MACF1: variants seen among roughly 807,000 people sequenced by gnomAD.
MACF1 encodes the protein microtubule actin crosslinking factor 1, also known as microtubule-actin cross-linking factor 1.
MACF1 carries 193 observed loss-of-function variants against 854.8 expected under a neutral mutation model. That is an observed-to-expected ratio of 0.23 (90% CI 0.20 to 0.25). MACF1 has a LOEUF of 0.25. Ranked by LOEUF, MACF1 falls within the 10% of genes least tolerant of loss-of-function variation. The pLI, the probability that MACF1 is intolerant of heterozygous loss-of-function variation, is 1.00. For missense variants in MACF1, 7,722 were observed against 8,929.1 expected, an observed-to-expected ratio of 0.86 and a Z score of 5.45; for synonymous variants, 3,185 against 3,226.7, an observed-to-expected ratio of 0.99 and a Z score of 0.44.
intron 92 of MACF1, among the ~76,000 whole-genome samples, chr1:39,461,481 T>C (rs1430042526): frequency 6.6e-6 from 1 of 152,114 alleles, no homozygotes; most frequent in East Asian, 1.9e-4. Flanking sequence ...AAGACATAAA[T>C]TTTTTTGCTC....
In MACF1 at chr1:39,135,969, A is replaced by G. The variant is rs575815761; in HGVS notation, c.220+51531A>G. On this transcript the variant is annotated intron_variant, in intron 2 of 93. Coordinates refer to the MACF1 transcript ENST00000361689. ...GGGTGATGAGTACAGCGAACGGCCA[A>G]CTGTGTGCCAACCTGGCTTTCCAGG... Among the ~76,000 whole-genome samples, 246 of 152,356 alleles carry G rather than the reference A, an allele frequency of 1.6e-3. 2 individuals are homozygous for G. Among genetic ancestry groups the G allele is most frequent in the Middle Eastern group, 6.8e-3 (2 of 294 alleles).
At chr1:39,406,756 A>AAAAAAAAAACAAAAAAAC (rs746955922) in intron 58 of MACF1, among the ~76,000 whole-genome samples, 2 of 116,058 alleles carry the variant, frequency 1.7e-5, no homozygotes. Context: ...AAAAAAAAAA[A>AAAAAAAAAACAAAAAAAC]AACATTCTTT....
intron 97 of MACF1, among the ~76,000 whole-genome samples, chr1:39,478,773 A>T (rs1644959274): frequency 6.6e-6 from 1 of 152,230 alleles, no homozygotes; most frequent in Non-Finnish European, 1.5e-5. Flanking sequence ...CCAGTTAAAC[A>T]TCTGTTATAG....
At position 39,453,782 on chromosome 1, in the gene MACF1, G is replaced by A; in HGVS notation, c.20818G>A (p.Val6940Ile). ...AVAMGEVILA[V>I]CHPDCITTIK... ...AGCCATGGGAGAAGTCATCCTGGCT[G>A]TCTGCCACCCCGATTGCATCACAAC... is the stretch of plus-strand genomic sequence containing the variant. Residue 6940 changes from valine (V) to isoleucine (I), a missense_variant, in exon 88 of 101, where the codon GTC (valine) becomes ATC (isoleucine). Val to Ile is a conservative substitution (Grantham distance 29). Coordinates refer to ENST00000564288, the MANE Select transcript of MACF1 (RefSeq NM_001394062.1). 2 of 1,614,212 alleles carry A rather than the reference G, an allele frequency of 1.2e-6. No homozygotes were observed.
intron 2 of MACF1, among the ~76,000 whole-genome samples, chr1:39,090,529 A>G (rs1227561478): frequency 6.6e-6 from 1 of 152,222 alleles, no homozygotes; most frequent in African/African-American, 2.4e-5. Flanking sequence ...GTGGGACCCC[A>G]GTTGGTGAGG....
At chr1:39,276,115 TCA>T (rs933938284) in intron 6 of MACF1, among the ~76,000 whole-genome samples, 22 of 152,114 alleles carry the variant, frequency 1.4e-4, no homozygotes, top group Admixed American at 5.2e-4. Context: ...AGACAATTTC[TCA>T]CAGTGTTTCC....
At chr1:39,288,077 G>T (rs766778276) in intron 15 of MACF1, among the ~76,000 whole-genome samples, 1 of 152,012 alleles carries the variant, frequency 6.6e-6, no homozygotes, top group Non-Finnish European at 1.5e-5. Flanking sequence ...TACGATACAT[G>T]AGATATTTTG....
At chr1:39,327,961 G>A (rs1279327009) in intron 36 of MACF1, among the ~76,000 whole-genome samples, 1 of 152,124 alleles carries the variant, frequency 6.6e-6, no homozygotes, top group African/African-American at 2.4e-5. Flanking sequence ...GTGCGTGTGT[G>A]TACACTTACC....
At chr1:39,109,358 C>T (rs12132368) in intron 2 of MACF1, among the ~76,000 whole-genome samples, 12,910 of 152,246 alleles carry the variant, frequency 0.085, 586 homozygotes, top group African/African-American at 0.089. Context: ...CAACCTCTGC[C>T]TCCCAGGTTC....
In MACF1 at chr1:39,285,683, T is replaced by A. The variant is rs1465200862; in HGVS notation, c.1433T>A (p.Leu478His). Residue 478 changes from leucine (L) to histidine (H), a missense_variant, in exon 14 of 101, where the codon CTC (leucine) becomes CAC (histidine). Transcript: ENST00000564288. ...VIMYIQECEG[L>H]IRQLQVDLQI... ...ATGTACATTCAGGAGTGTGAAGGTC[T>A]CATCAGGCAGCTGCAGGTGGATCTC... 1 of 1,613,960 alleles carries A rather than the reference T, an allele frequency of 6.2e-7. No individual in the cohort carries two copies. Among genetic ancestry groups the A allele is most frequent in the African/African-American group, 1.3e-5 (1 of 74,902 alleles).
In MACF1 at chr1:39,333,318, C is replaced by G. The variant is rs763622356; in HGVS notation, c.6730C>G (p.Gln2244Glu). 1.3e-5 allele frequency: 21 copies of G among 1,613,948 alleles called. No individual in the cohort carries two copies. Among genetic ancestry groups the G allele is most frequent in the Admixed American group, 1.7e-5 (1 of 59,996 alleles). The change falls in exon 37 of 101, where the codon CAA becomes GAA. Residue 2244 changes from glutamine (Q) to glutamate (E), a missense_variant. Physicochemically the swap from Gln to Glu is conservative, Grantham distance 29 (BLOSUM62 2). Coordinates refer to ENST00000564288, the MANE Select transcript of MACF1 (RefSeq NM_001394062.1). The part of the protein sequence containing the change: ...FLAKDDHKES[Q>E]EAQNIAGGSM... ...GGCTAAGGATGACCATAAAGAAAGT[C>G]AAGAAGCACAGAACATCGCAGGTGG...
rs370228526 is a variant in MACF1, at chr1:39,312,409, T to C, written c.3270+1409T>C. Among the ~76,000 whole-genome samples, 10 of 152,316 alleles carry C rather than the reference T, an allele frequency of 6.6e-5. No homozygotes were observed. The East Asian group carries it at 1.9e-3, about 29-fold the overall frequency. Reference sequence around the variant, plus strand: ...TATTATACATAATAACATTCCTTTTTTATCTTGAGAGTAAGTTCCAGACAT... The same window carrying C: ...TATTATACATAATAACATTCCTTTTCTATCTTGAGAGTAAGTTCCAGACAT... On this transcript the variant is annotated intron_variant, in intron 26 of 100. Coordinates refer to ENST00000564288, the MANE Select transcript of MACF1 (RefSeq NM_001394062.1).
intron 6 of MACF1, among the ~76,000 whole-genome samples, chr1:39,262,325 C>T (rs1358141873): frequency 3.2e-5 from 4 of 124,996 alleles, no homozygotes; most frequent in Admixed American, 1.1e-4. Context: ...CACTTGAACC[C>T]GGGAGGTGGA....
At chr1:39,122,146 A>G (rs529101859) in intron 2 of MACF1, among the ~76,000 whole-genome samples, 4 of 152,286 alleles carry the variant, frequency 2.6e-5, no homozygotes, top group Admixed American at 2.0e-4. Flanking sequence ...TGTATCGTAT[A>G]TAATTCACAT....
At chr1:39,101,092 C>T (rs1412623817) in intron 2 of MACF1, among the ~76,000 whole-genome samples, 3 of 150,846 alleles carry the variant, frequency 2.0e-5, no homozygotes, top group Non-Finnish European at 4.4e-5. Flanking sequence ...TGCGGTGGCT[C>T]ACGCCTGTAA....
intron 2 of MACF1, among the ~76,000 whole-genome samples, chr1:39,117,554 G>C (rs890543401): frequency 2.1e-5 from 3 of 140,302 alleles, no homozygotes; most frequent in Non-Finnish European, 3.2e-5. Flanking sequence ...GTGTGTGTGT[G>C]TGTGTGTGTG....
chr1:39,357,985 A>C (rs1348008332), intron 45 of MACF1, 92 bp downstream of exon 45: 2 of 1,262,262 alleles, frequency 1.6e-6, no homozygotes, highest in African/African-American at 3.0e-5. Flanking sequence ...TAAGAACTCC[A>C]GGACACAGTA....
In MACF1 at chr1:39,164,480, G is replaced by A. The variant is rs114048950; in HGVS notation, c.221-66702G>A. Among the ~76,000 whole-genome samples the A allele has an allele frequency of 8.5e-3, 1,298 of 152,320 alleles. 16 individuals are homozygous for A. The highest frequency in any genetic ancestry group is 0.03 in the African/African-American group (1,228 of 41,564). On this transcript the variant is annotated intron_variant, in intron 2 of 93. Coordinates refer to the MACF1 transcript ENST00000361689. ...AATTTCATGGTAGAACAGGGGCCAA[G>A]TGGCCTTCTCACTTAGTCAGCAGCT...
At chr1:39,284,257 G>T (rs1382580050) in intron 10 of MACF1, 72 bp downstream of exon 10, 1 of 1,577,006 alleles carries the variant, frequency 6.3e-7, no homozygotes, top group Non-Finnish European at 8.6e-7. Context: ...ATCACTGCTG[G>T]CTTCTAGGTG....
Sources: gnomAD v4.1 joint callset for allele counts (sites outside exome capture counted in the v4.1 genomes callset) on GRCh38, gnomAD v4.1.1 for gene constraint, MANE v1.5 for transcripts, NCBI Gene and HGNC (gene_info 2026-07-23, HGNC 2026-07-21) for gene names.